Variants in EHD3 observed in about 807,000 individuals in gnomAD.
EHD3 encodes EH domain-containing protein 3.
A neutral mutation model predicts 43.0 loss-of-function variants in EHD3; 17 were observed. The ratio of observed to expected loss-of-function variants is 0.40; its 90% CI spans 0.27 to 0.59. EHD3 has a LOEUF of 0.59. Among genes scored for constraint, EHD3 ranks in the 20% least tolerant of loss-of-function variants. The probability of loss-of-function intolerance (pLI) is 0.49; values close to 1 mark genes in which losing one functional copy is unlikely to be tolerated. For missense variants in EHD3, 594 were observed against 705.6 expected (o/e 0.84, Z 1.79); for synonymous variants, 313 against 289.5 (o/e 1.08, Z -0.82).
At chr2:31,246,260 A>G (rs1683524253) in intron 2 of EHD3, among the ~76,000 whole-genome samples, 1 of 152,118 alleles carries the variant, frequency 6.6e-6, no homozygotes, top group African/African-American at 2.4e-5. Flanking sequence ...TAAAATGCAT[A>G]AATGGAGGGG....
At chr2:31,263,473 C>A (rs765081244) in intron 5 of EHD3, among the ~76,000 whole-genome samples, 6 of 152,146 alleles carry the variant, frequency 3.9e-5, no homozygotes, top group Non-Finnish European at 7.3e-5. Context: ...AATGGGAGCA[C>A]CCACCATGCC....
Position 31,234,792 on chromosome 2 carries a change from C to G in EHD3, c.171C>G (p.Asn57Lys). The G allele has an allele frequency of 6.2e-7, 1 of 1,614,200 alleles. No homozygotes were observed. Among genetic ancestry groups the G allele is most frequent in the Non-Finnish European group, 8.5e-7 (1 of 1,180,022 alleles). The part of the protein sequence containing the change: ...SPALEDADFD[N>K]KPMVLLVGQY... Reference sequence around the variant, plus strand: ...CCCTGGAGGATGCCGACTTCGACAACAAGCCCATGGTTCTGCTGGTGGGCC... The same window carrying G: ...CCCTGGAGGATGCCGACTTCGACAAGAAGCCCATGGTTCTGCTGGTGGGCC... Residue 57 changes from asparagine to lysine, a missense_variant, in exon 1 of 6, where the codon AAC becomes AAG. By Grantham distance (94) the Asn-to-Lys change is moderately conservative. This residue lies in a region of EHD3 where 243 missense variants were observed against 296.7 expected (regional missense o/e 0.82). Transcript: ENST00000322054.
Position 31,249,368 on chromosome 2 carries a change from C to T in EHD3, c.405-3C>T, listed in dbSNP as rs745684476. The T allele has an allele frequency of 3.7e-6, 6 of 1,613,902 alleles. No individual in the cohort carries two copies. Among genetic ancestry groups the T allele is most frequent in the Non-Finnish European group, 4.2e-6 (5 of 1,179,812 alleles). Reference sequence around the variant, plus strand: ...CTCACCCAGGTTACCTCTGCCCATGCAGGTTCGTGTGTGCCCAGCTACCTA... The same window carrying T: ...CTCACCCAGGTTACCTCTGCCCATGTAGGTTCGTGTGTGCCCAGCTACCTA... On this transcript the variant is annotated splice_region_variant and splice_polypyrimidine_tract_variant and intron_variant, in intron 2 of 5. Transcript: ENST00000322054.
In EHD3 at chr2:31,266,009, A is replaced by G. The variant is rs1683941654; in HGVS notation, c.1081-168A>G. The stretch of plus-strand genomic sequence containing the variant: ...GGCCTTTATTCCCCTCCTCTCTCAT[A>G]CCTTCGATTACCACGTGATGTCCAT... On this transcript the variant is annotated intron_variant, in intron 5 of 5. Coordinates refer to ENST00000322054, the MANE Select transcript of EHD3 (RefSeq NM_014600.3). This position sits in a 1 kb window ranked among gnomAD's most constrained non-coding sequence, Gnocchi z 5.1. Among the ~76,000 whole-genome samples the G allele has an allele frequency of 6.6e-6, 1 of 151,682 alleles. No individual in the cohort carries two copies. The highest frequency in any genetic ancestry group is 1.5e-5 in the Non-Finnish European group (1 of 67,936).
In EHD3 at chr2:31,266,761, T is replaced by TACAC. The variant is rs67643147; in HGVS notation, c.*87_*90dup. 51,208 of 1,173,172 alleles carry TACAC rather than the reference T, an allele frequency of 0.044. 395 individuals carry two copies. The highest frequency in any genetic ancestry group is 0.09 in the African/African-American group (5,540 of 61,276). 72.7% of individuals were successfully genotyped at this position (1,173,172 alleles called of 1,614,324 possible). ...TAGAGGAGGAGATGGGAGCGGTGAC[T>TACAC]ACACACACACACACACACACACACA... On this transcript the variant is annotated 3_prime_UTR_variant, in exon 6 of 6. Transcript: ENST00000322054. The surrounding 1 kb of genome is among the most constrained non-coding windows in gnomAD (Gnocchi z 5.1).
intron 1 of EHD3, among the ~76,000 whole-genome samples, chr2:31,243,456 CTTTCT>C (rs1683460264): frequency 3.2e-5 from 3 of 93,324 alleles, no homozygotes; most frequent in South Asian, 3.6e-4. Flanking sequence ...TTCTTTCTTT[CTTTCT>C]TTTTTTTTTT....
At chr2:31,251,016 C>A (rs146360042) in intron 3 of EHD3, among the ~76,000 whole-genome samples, 198 of 152,344 alleles carry the variant, frequency 1.3e-3, no homozygotes, top group African/African-American at 4.4e-3. Flanking sequence ...CATGGCCTGC[C>A]CAGGCCAGCA....
intron 1 of EHD3, among the ~76,000 whole-genome samples, chr2:31,238,000 GTTTGTT>G (rs945410807): frequency 5.3e-5 from 8 of 149,748 alleles, no homozygotes; most frequent in African/African-American, 2.0e-4. Flanking sequence ...TGTTTTTTTT[GTTTGTT>G]TTTGTTTTTG....
At chr2:31,252,186 G>A (rs1683647952) in intron 3 of EHD3, among the ~76,000 whole-genome samples, 1 of 152,224 alleles carries the variant, frequency 6.6e-6, no homozygotes, top group Non-Finnish European at 1.5e-5. Context: ...AAGGGGTAAT[G>A]ATATGTACCA....
chr2:31,261,019 C>A, intron 4 of EHD3, 97 bp downstream of exon 4: 1 of 1,396,188 alleles, frequency 7.2e-7, no homozygotes, highest in Non-Finnish European at 9.7e-7. Flanking sequence ...ACAGCCAGTG[C>A]ATCATGTGTG....
chr2:31,255,216 C>T (rs1004471399), intron 3 of EHD3, among the ~76,000 whole-genome samples: 4 of 152,224 alleles, frequency 2.6e-5, no homozygotes, highest in African/African-American at 9.6e-5. Flanking sequence ...TCTGCTCTGT[C>T]TCTTGGGGCT....
At chr2:31,252,439 CT>C (rs571825349) in intron 3 of EHD3, among the ~76,000 whole-genome samples, 20 of 152,318 alleles carry the variant, frequency 1.3e-4, no homozygotes, top group Middle Eastern at 3.4e-3. Flanking sequence ...CTATTCTATT[CT>C]TTTCCTATTT....
chr2:31,261,800 G>T, intron 5 of EHD3, 87 bp downstream of exon 5: 1 of 1,504,774 alleles, frequency 6.6e-7, no homozygotes, highest in South Asian at 1.3e-5. Context: ...CACTCTTGGA[G>T]CCCCCCAGGG....
At chr2:31,250,321 C>T (rs1683611447) in intron 3 of EHD3, among the ~76,000 whole-genome samples, 1 of 146,906 alleles carries the variant, frequency 6.8e-6, no homozygotes, top group South Asian at 2.2e-4. Context: ...GGCTGGAGTG[C>T]AGTGGCACGA....
chr2:31,264,959 T>C (rs1445522598), intron 5 of EHD3, among the ~76,000 whole-genome samples: 2 of 152,242 alleles, frequency 1.3e-5, no homozygotes, highest in African/African-American at 4.8e-5. Context: ...TTTTTTACTT[T>C]TTTATTTTTG....
chr2:31,259,976 G>A (rs1260168385), intron 3 of EHD3, among the ~76,000 whole-genome samples: 1 of 152,170 alleles, frequency 6.6e-6, no homozygotes, highest in African/African-American at 2.4e-5. Flanking sequence ...CAAGGCAGGC[G>A]CATCACCTGA....
intron 3 of EHD3, among the ~76,000 whole-genome samples, chr2:31,258,523 G>C (rs1251529744): frequency 6.6e-6 from 1 of 152,116 alleles, no homozygotes; most frequent in Non-Finnish European, 1.5e-5. Flanking sequence ...TCGGTGCAGT[G>C]GTTCATAGCA....
At chr2:31,241,222 A>C (rs1374913747) in intron 1 of EHD3, among the ~76,000 whole-genome samples, 1 of 152,100 alleles carries the variant, frequency 6.6e-6, no homozygotes, top group Non-Finnish European at 1.5e-5. Flanking sequence ...CTCCTGCCAA[A>C]CCATATTTCT....
chr2:31,246,567 T>C (rs963415736), intron 2 of EHD3, among the ~76,000 whole-genome samples: 5 of 152,212 alleles, frequency 3.3e-5, no homozygotes, highest in African/African-American at 1.2e-4. Flanking sequence ...TAGTGTATTG[T>C]ATTATATGTA....
Sources: allele counts gnomAD v4.1 joint callset (sites outside exome capture counted in the v4.1 genomes callset), GRCh38; gene constraint gnomAD v4.1.1; regional missense constraint gnomAD v4.1.1; non-coding constraint Gnocchi (gnomAD v3.1); transcripts MANE v1.5; gene names NCBI Gene and HGNC (gene_info 2026-07-23, HGNC 2026-07-21).